Variants in SBNO1 observed in about 807,000 individuals in gnomAD.
SBNO1 encodes strawberry notch homolog 1, also known as protein strawberry notch homolog 1.
Under a neutral mutation model 173.6 loss-of-function variants are expected in SBNO1, and 23 were observed. The observed-to-expected ratio is 0.13, with a 90% CI of 0.10 to 0.19. The LOEUF (loss-of-function observed/expected upper bound fraction) is 0.19, where lower values mean the gene tolerates loss of function less well. Among genes scored for constraint, SBNO1 ranks in the 10% least tolerant of loss-of-function variants. SBNO1 has a pLI of 1.00. For missense variants in SBNO1, 1,238 were observed against 1,671.2 expected, an observed-to-expected ratio of 0.74 and a Z score of 4.52; for synonymous variants, 632 against 571.5, an observed-to-expected ratio of 1.11 and a Z score of -1.51.
In SBNO1 at chr12:123,307,900, T is replaced by C. The variant is rs1314368664; in HGVS notation, c.3630+1410A>G. On this transcript the variant is annotated intron_variant, in intron 28 of 31. Coordinates refer to ENST00000602398, the MANE Select transcript of SBNO1 (RefSeq NM_001167856.3). ...CATCCTGGCTAACACAGTGAAACCC[T>C]GTCTCTACTAAAAATAAGAAATTTA... is the stretch of plus-strand genomic sequence containing the variant. 2.0e-5 allele frequency among the ~76,000 whole-genome samples: 3 copies of C among 152,114 alleles called. No individual in the cohort carries two copies. The East Asian group carries it at 5.8e-4, about 29-fold the overall frequency.
intron 7 of SBNO1, among the ~76,000 whole-genome samples, chr12:123,331,989 T>C (rs1871271338): frequency 6.6e-6 from 1 of 151,462 alleles, no homozygotes; most frequent in Non-Finnish European, 1.5e-5. Context: ...GTAGCTGGGA[T>C]TACAGGTATG....
At chr12:123,307,991 G>A (rs946250415) in intron 28 of SBNO1, among the ~76,000 whole-genome samples, 1 of 152,178 alleles carries the variant, frequency 6.6e-6, no homozygotes, top group African/African-American at 2.4e-5. Context: ...AGAATCGCTT[G>A]AACCTGGGAG....
intron 14 of SBNO1, among the ~76,000 whole-genome samples, chr12:123,325,941 G>A (rs1356750069): frequency 6.6e-6 from 1 of 152,182 alleles, no homozygotes; most frequent in Admixed American, 6.6e-5. Context: ...AGCTATGGAT[G>A]ACCAATTATA....
At chr12:123,305,755 G>A (rs1331208084) in intron 28 of SBNO1, among the ~76,000 whole-genome samples, 1 of 152,070 alleles carries the variant, frequency 6.6e-6, no homozygotes, top group East Asian at 1.9e-4. Flanking sequence ...TTACAGACGT[G>A]AGCCACCACG....
chr12:123,296,093 A>G (rs745813422), intron 31 of SBNO1, 43 bp from the exon 32 acceptor site: 5 of 1,314,388 alleles, frequency 3.8e-6, no homozygotes, highest in Admixed American at 1.7e-5. Context: ...GTCCAGAAGA[A>G]ACCACACTGT....
chr12:123,356,600 C>T (rs189087739), intron 1 of SBNO1, among the ~76,000 whole-genome samples: 11 of 152,306 alleles, frequency 7.2e-5, no homozygotes, highest in African/African-American at 2.6e-4. Flanking sequence ...TGCCCCCACA[C>T]CCAGCTAATT....
At chr12:123,323,969 C>G in intron 15 of SBNO1, 138 bp from the exon 16 acceptor site, 2 of 616,856 alleles carry the variant, frequency 3.2e-6, no homozygotes, top group Non-Finnish European at 2.4e-6. Flanking sequence ...TTTTAATTTT[C>G]TAGCCCAAAG....
At chr12:123,362,344 G>A (rs1426520710) in intron 1 of SBNO1, among the ~76,000 whole-genome samples, 1 of 148,232 alleles carries the variant, frequency 6.7e-6, no homozygotes, top group Non-Finnish European at 1.5e-5. Context: ...GCTGAGGCAG[G>A]AGAATGGCGT....
intron 7 of SBNO1, among the ~76,000 whole-genome samples, chr12:123,333,607 C>T (rs1566042378): frequency 1.3e-5 from 2 of 151,978 alleles, no homozygotes; most frequent in East Asian, 1.9e-4. Flanking sequence ...GGTGATTCCC[C>T]TACCTCAGCT....
In SBNO1 at chr12:123,291,561, A is replaced by G. The variant is rs1024180225; in HGVS notation, c.*4347T>C. The G allele has an allele frequency of 9.9e-5, 15 of 152,152 alleles. No homozygotes were observed. Among genetic ancestry groups the G allele is most frequent in the South Asian group, 2.1e-4 (1 of 4,832 alleles). 9.4% of individuals were successfully genotyped at this position (152,152 alleles called of 1,614,324 possible). On this transcript the variant is annotated 3_prime_UTR_variant, in exon 32 of 32. Coordinates refer to ENST00000602398, the MANE Select transcript of SBNO1 (RefSeq NM_001167856.3). ...AGTACAATGCATTGCACACAACACAATAAGACATAGTAAAAAACATTAACA... is the reference window on the plus strand; with the variant it reads ...AGTACAATGCATTGCACACAACACAGTAAGACATAGTAAAAAACATTAACA...
At chr12:123,298,246 G>T (rs2048669508) in intron 30 of SBNO1, 75 bp from the exon 31 acceptor site, 2 of 1,388,770 alleles carry the variant, frequency 1.4e-6, no homozygotes, top group East Asian at 2.5e-5. Context: ...GATTTACAAG[G>T]TCAACTCAAA....
At chr12:123,349,931 A>G (rs967920178) in intron 2 of SBNO1, among the ~76,000 whole-genome samples, 5 of 151,664 alleles carry the variant, frequency 3.3e-5, no homozygotes, top group Non-Finnish European at 7.4e-5. Context: ...AAAAAAATTA[A>G]CACATGTATT....
chr12:123,362,819 C>T (rs1394809669), intron 1 of SBNO1, among the ~76,000 whole-genome samples: 60 of 149,888 alleles, frequency 4.0e-4, no homozygotes, highest in Non-Finnish European at 5.9e-5. Context: ...GGCACAATGG[C>T]TCATGCCTGT....
intron 4 of SBNO1, among the ~76,000 whole-genome samples, chr12:123,341,342 G>A (rs1350172128): frequency 1.3e-5 from 2 of 151,876 alleles, no homozygotes; most frequent in African/African-American, 4.8e-5. Context: ...CCAGCTACTC[G>A]GGAGACTGAG....
intron 1 of SBNO1, among the ~76,000 whole-genome samples, chr12:123,351,458 C>G (rs1430782138): frequency 6.6e-6 from 1 of 152,088 alleles, no homozygotes; most frequent in Non-Finnish European, 1.5e-5. Flanking sequence ...GACCCCGTAT[C>G]TACAAAAAAA....
intron 3 of SBNO1, among the ~76,000 whole-genome samples, chr12:123,346,304 A>G (rs1873130073): frequency 6.6e-6 from 1 of 152,158 alleles, no homozygotes; most frequent in Non-Finnish European, 1.5e-5. Context: ...TGACATTTTC[A>G]CTTTTTTCCT....
intron 9 of SBNO1, among the ~76,000 whole-genome samples, 172 bp downstream of exon 9, chr12:123,330,246 AG>A (rs1871062173): frequency 6.6e-6 from 1 of 152,226 alleles, no homozygotes; most frequent in South Asian, 2.1e-4. Flanking sequence ...GTCAGTGTTT[AG>A]CATATAGGAA....
intron 13 of SBNO1, among the ~76,000 whole-genome samples, chr12:123,327,035 T>A (rs538270740): frequency 1.3e-5 from 2 of 152,310 alleles, no homozygotes; most frequent in African/African-American, 4.8e-5. Flanking sequence ...CGATGGAGTA[T>A]CCCTCTGTTA....
intron 1 of SBNO1, among the ~76,000 whole-genome samples, chr12:123,362,268 C>G (rs1173037363): frequency 6.6e-6 from 1 of 151,224 alleles, no homozygotes; most frequent in Non-Finnish European, 1.5e-5. Context: ...AACCCCGTCT[C>G]TACTAAAAGT....
Sources: allele counts gnomAD v4.1 joint callset (sites outside exome capture counted in the v4.1 genomes callset), GRCh38; gene constraint gnomAD v4.1.1; transcripts MANE v1.5; gene names NCBI Gene and HGNC (gene_info 2026-07-23, HGNC 2026-07-21).